The following CTNNA2 variants were observed in gnomAD, a reference collection of about 807,000 sequenced individuals.
The protein encoded by CTNNA2 is catenin alpha-2.
Under a neutral mutation model 101.0 loss-of-function variants are expected in CTNNA2, and 42 were observed. That is an observed-to-expected ratio of 0.42 (90% confidence interval 0.32 to 0.54). The LOEUF is 0.54. Ranked by LOEUF, CTNNA2 falls within the 20% of genes least tolerant of loss-of-function variation. The pLI, the probability that CTNNA2 is intolerant of heterozygous loss-of-function variation, is 0.14. For synonymous variants in CTNNA2, 450 were observed against 456.4 expected, an observed-to-expected ratio of 0.99 and a Z score of 0.18; for missense variants, 871 against 1,223.1, an observed-to-expected ratio of 0.71 and a Z score of 4.29.
chr2:80,236,459 G>A (rs150148182), intron 7 of CTNNA2, among the ~76,000 whole-genome samples: 5 of 152,292 alleles, frequency 3.3e-5, no homozygotes, highest in African/African-American at 1.2e-4. Flanking sequence ...CTTCCAAAGA[G>A]TCATACTGTT....
chr2:79,246,156 T>C (rs1674698066), intron 2 of CTNNA2, among the ~76,000 whole-genome samples: 1 of 152,226 alleles, frequency 6.6e-6, no homozygotes, highest in Non-Finnish European at 1.5e-5. Context: ...ATCCCAGCTT[T>C]GTACTTCTTG....
intron 18 of CTNNA2, among the ~76,000 whole-genome samples, chr2:80,645,300 TGATTGTTCCC>T (rs1673953023): frequency 6.6e-6 from 1 of 152,188 alleles, no homozygotes; most frequent in Non-Finnish European, 1.5e-5. Flanking sequence ...TATCTGTTCC[TGATTGTTCCC>T]AACATTTTGC....
intron 1 of CTNNA2, among the ~76,000 whole-genome samples, chr2:79,568,932 G>A (rs1675293731): frequency 6.6e-6 from 1 of 151,436 alleles, no homozygotes; most frequent in South Asian, 2.1e-4. Context: ...CACTGAGGAG[G>A]CTGATACGGG....
chr2:80,008,896 A>C (rs947253331), intron 7 of CTNNA2, among the ~76,000 whole-genome samples: 2 of 152,208 alleles, frequency 1.3e-5, no homozygotes, highest in African/African-American at 4.8e-5. Flanking sequence ...CTGACTATCA[A>C]CTTTTGTGCA....
chr2:79,581,161 G>A (rs1676123900), intron 1 of CTNNA2, among the ~76,000 whole-genome samples: 1 of 152,208 alleles, frequency 6.6e-6, no homozygotes, highest in Admixed American at 6.5e-5. Flanking sequence ...ATGTCACTCA[G>A]AGAAGGATCA....
intron 7 of CTNNA2, among the ~76,000 whole-genome samples, chr2:80,376,311 G>A (rs902089095): frequency 6.6e-6 from 1 of 151,854 alleles, no homozygotes; most frequent in Non-Finnish European, 1.5e-5. Flanking sequence ...TATTCTATCT[G>A]TTTAGGGAAC....
chr2:80,070,787 C>G (rs775051781), intron 7 of CTNNA2, among the ~76,000 whole-genome samples: 3 of 152,048 alleles, frequency 2.0e-5, no homozygotes, highest in Admixed American at 1.3e-4. Context: ...TCATACTCCC[C>G]CTGAAGGCTC....
intron 1 of CTNNA2, among the ~76,000 whole-genome samples, chr2:79,568,525 G>A (rs978049452): frequency 6.6e-6 from 1 of 151,976 alleles, no homozygotes. Flanking sequence ...TTGAACCTGG[G>A]AAGCAGAGGT....
At chr2:80,408,777 G>T (rs567935141) in intron 8 of CTNNA2, among the ~76,000 whole-genome samples, 1 of 152,278 alleles carries the variant, frequency 6.6e-6, no homozygotes, top group Non-Finnish European at 1.5e-5. Flanking sequence ...TGTCCAGTTA[G>T]GATTTGTGAA....
At chr2:79,943,998 T>C (rs1025665057) in intron 7 of CTNNA2, among the ~76,000 whole-genome samples, 7 of 152,228 alleles carry the variant, frequency 4.6e-5, no homozygotes, top group Non-Finnish European at 1.0e-4. Context: ...TTAATTAATA[T>C]GCCAATTTTT....
chr2:79,376,091 G>A (rs746782177), intron 4 of CTNNA2, among the ~76,000 whole-genome samples: 1 of 152,158 alleles, frequency 6.6e-6, no homozygotes, highest in African/African-American at 2.4e-5. Flanking sequence ...GGAGAAAGCT[G>A]CATGTAGAAG....
chr2:80,075,680 TAAAAA>T (rs1698678609), intron 7 of CTNNA2, among the ~76,000 whole-genome samples: 2 of 78,454 alleles, frequency 2.5e-5, no homozygotes, highest in African/African-American at 6.7e-5. Flanking sequence ...ATAAATATTA[TAAAAA>T]TAATATTTAT....
At chr2:79,582,088 C>G (rs1430576549) in intron 1 of CTNNA2, among the ~76,000 whole-genome samples, 2 of 152,182 alleles carry the variant, frequency 1.3e-5, no homozygotes, top group Non-Finnish European at 2.9e-5. Context: ...GAATGTGAGC[C>G]TTGTGCCAGC....
chr2:80,165,281 T>A (rs764825331), intron 7 of CTNNA2, among the ~76,000 whole-genome samples: 2 of 151,814 alleles, frequency 1.3e-5, no homozygotes, highest in Non-Finnish European at 2.9e-5. Context: ...ATTGGCTAGT[T>A]CCTGATTTTT....
At chr2:79,751,658 G>T (rs1440565777) in intron 3 of CTNNA2, among the ~76,000 whole-genome samples, 1 of 150,260 alleles carries the variant, frequency 6.7e-6, no homozygotes, top group East Asian at 2.0e-4. Flanking sequence ...AACAGATCCA[G>T]ATAGGGAAAA....
intron 17 of CTNNA2, among the ~76,000 whole-genome samples, chr2:80,616,946 T>A (rs12478526): frequency 6.6e-6 from 1 of 151,436 alleles, no homozygotes; most frequent in Admixed American, 6.6e-5. Context: ...CTGAAGTCAT[T>A]TTCCATTTCC....
chr2:79,663,125 T>C (rs1418628357), intron 2 of CTNNA2, among the ~76,000 whole-genome samples: 1 of 151,974 alleles, frequency 6.6e-6, no homozygotes, highest in Non-Finnish European at 1.5e-5. Flanking sequence ...CACCCAAGAG[T>C]TCTCCTTAGC....
intron 2 of CTNNA2, among the ~76,000 whole-genome samples, chr2:79,705,404 C>T (rs1436133669): frequency 6.6e-6 from 1 of 152,084 alleles, no homozygotes; most frequent in Non-Finnish European, 1.5e-5. Flanking sequence ...TAATCTGTGA[C>T]TGTGCATAAT....
chr2:79,213,831 G>T (rs373539092), intron 2 of CTNNA2, among the ~76,000 whole-genome samples: 1 of 152,202 alleles, frequency 6.6e-6, no homozygotes, highest in African/African-American at 2.4e-5. Context: ...GTATGAGGAA[G>T]AAAACAGATT....
Sources: gnomAD v4.1 joint callset for allele counts (sites outside exome capture counted in the v4.1 genomes callset) on GRCh38, gnomAD v4.1.1 for gene constraint, MANE v1.5 for transcripts, NCBI Gene and HGNC (gene_info 2026-07-23, HGNC 2026-07-21) for gene names.